Variants in PPP2R5C observed in about 807,000 individuals in gnomAD.
PPP2R5C encodes the protein serine/threonine-protein phosphatase 2A 56 kDa regulatory subunit gamma isoform.
Under a neutral mutation model 68.9 loss-of-function variants are expected in PPP2R5C, and 7 were observed. The ratio of observed to expected loss-of-function variants is 0.10; its 90% confidence interval spans 0.06 to 0.19. PPP2R5C has a LOEUF of 0.19. Among genes scored for constraint, PPP2R5C ranks in the 10% least tolerant of loss-of-function variants. The pLI is 1.00. For synonymous variants in PPP2R5C, 210 were observed against 222.2 expected (o/e 0.95, Z 0.49); for missense variants, 348 against 641.3 (o/e 0.54, Z 4.94).
chr14:101,826,061 T>C (rs984915550), intron 1 of PPP2R5C, among the ~76,000 whole-genome samples: 1 of 152,238 alleles, frequency 6.6e-6, no homozygotes, highest in Non-Finnish European at 1.5e-5. Flanking sequence ...GCCTTTATCA[T>C]ATATATGTTT....
At chr14:101,819,404 G>A (rs192608905) in intron 1 of PPP2R5C, 3 of 273,568 alleles carry the variant, frequency 1.1e-5, no homozygotes, top group Non-Finnish European at 2.1e-5. Context: ...CCCTGGTGGT[G>A]CAAAGGCAAT....
intron 2 of PPP2R5C, among the ~76,000 whole-genome samples, chr14:101,874,167 A>C (rs2043602889): frequency 6.6e-6 from 1 of 152,234 alleles, no homozygotes; most frequent in African/African-American, 2.4e-5. Flanking sequence ...ATGGCTGTGC[A>C]TACATGACTG....
chr14:101,833,370 GGTCAAAT>G (rs2040874103), intron 1 of PPP2R5C: 1 of 152,188 alleles, frequency 6.6e-6, no homozygotes, highest in Admixed American at 6.5e-5. Flanking sequence ...AGCTCTGATT[GGTCAAAT>G]GTTTGAAGAA....
chr14:101,890,715 A>G (rs1029881489), intron 6 of PPP2R5C, among the ~76,000 whole-genome samples: 3 of 150,930 alleles, frequency 2.0e-5, no homozygotes, highest in Non-Finnish European at 4.4e-5. Context: ...AAAATAATTA[A>G]CATTTCAAAA....
intron 1 of PPP2R5C, among the ~76,000 whole-genome samples, chr14:101,840,777 A>G (rs1307156170): frequency 6.6e-6 from 1 of 152,222 alleles, no homozygotes; most frequent in African/African-American, 2.4e-5. Context: ...TTATCAGGGC[A>G]TATGCATAAT....
upstream of PPP2R5C, among the ~76,000 whole-genome samples, chr14:101,806,894 C>T (rs180983058): frequency 7.2e-5 from 11 of 152,176 alleles, no homozygotes; most frequent in East Asian, 5.8e-4. Flanking sequence ...CCCAGGAGGC[C>T]GAGGCTGCAG....
intron 10 of PPP2R5C, among the ~76,000 whole-genome samples, chr14:101,907,823 G>C (rs781543200): frequency 6.6e-6 from 1 of 152,170 alleles, no homozygotes; most frequent in Non-Finnish European, 1.5e-5. Flanking sequence ...CTCCTTGTCC[G>C]CTCGAGGCTG....
intron 13 of PPP2R5C, among the ~76,000 whole-genome samples, chr14:101,924,210 T>C (rs994169794): frequency 6.6e-6 from 1 of 152,146 alleles, no homozygotes; most frequent in Non-Finnish European, 1.5e-5. Context: ...TTTTGATATG[T>C]AAACTCTCCA....
At chr14:101,893,998 C>T (rs2045138821) in intron 7 of PPP2R5C, among the ~76,000 whole-genome samples, 1 of 152,224 alleles carries the variant, frequency 6.6e-6, no homozygotes, top group African/African-American at 2.4e-5. Context: ...TGCCAGGCCC[C>T]ACTTTCAGAG....
intron 3 of PPP2R5C, among the ~76,000 whole-genome samples, chr14:101,789,041 A>G (rs1444517338): frequency 6.6e-6 from 1 of 152,086 alleles, no homozygotes; most frequent in Non-Finnish European, 1.5e-5. Context: ...ATGCAGAGCT[A>G]TTGGTTTTTA....
intron 3 of PPP2R5C, among the ~76,000 whole-genome samples, chr14:101,786,773 T>A (rs1292479823): frequency 6.6e-6 from 1 of 152,202 alleles, no homozygotes; most frequent in East Asian, 1.9e-4. Flanking sequence ...AAGTCTTCCT[T>A]TAGATTTTGA....
At chr14:101,800,423 C>T (rs1469480640) in intron 3 of PPP2R5C, among the ~76,000 whole-genome samples, 2 of 151,914 alleles carry the variant, frequency 1.3e-5, no homozygotes, top group Non-Finnish European at 2.9e-5. Context: ...ATTAGCCAGG[C>T]GTGATGGTGC....
At chr14:101,908,354 T>A (rs1406991909) in intron 10 of PPP2R5C, among the ~76,000 whole-genome samples, 1 of 152,130 alleles carries the variant, frequency 6.6e-6, no homozygotes, top group Non-Finnish European at 1.5e-5. Context: ...AACCTGTTCT[T>A]TGTAGCATTG....
chr14:101,897,669 G>C (rs8005273), intron 8 of PPP2R5C, among the ~76,000 whole-genome samples: 18,477 of 152,018 alleles, frequency 0.12, 1,744 homozygotes, highest in African/African-American at 0.26. Context: ...GGGTGGGTCT[G>C]CCTTTCCTAG....
intron 1 of PPP2R5C, among the ~76,000 whole-genome samples, chr14:101,847,744 C>T (rs1046659543): frequency 2.7e-5 from 4 of 150,590 alleles, no homozygotes; most frequent in Admixed American, 6.6e-5. Context: ...CTCACTGCAA[C>T]CTCCGCCTCC....
chr14:101,802,202 C>G (rs895097678), intron 3 of PPP2R5C, among the ~76,000 whole-genome samples: 2 of 152,156 alleles, frequency 1.3e-5, no homozygotes, highest in Admixed American at 6.5e-5. Context: ...ATCACAAGGT[C>G]AGGAGATCGA....
chr14:101,834,904 C>T (rs367964576), intron 1 of PPP2R5C, among the ~76,000 whole-genome samples: 1 of 152,186 alleles, frequency 6.6e-6, no homozygotes, highest in Admixed American at 6.5e-5. Context: ...GGCCTGTGGC[C>T]ACAGAGCCTC....
At chr14:101,809,403 A>AC (rs1407784750), upstream of PPP2R5C, among the ~76,000 whole-genome samples, 45 of 150,578 alleles carry the variant, frequency 3.0e-4, 1 homozygote, top group Middle Eastern at 3.4e-3. Context: ...AAAAAAAAAA[A>AC]ACAAAAAAAA....
chr14:101,876,991 C>G (rs1160303092), intron 2 of PPP2R5C, among the ~76,000 whole-genome samples: 1 of 141,578 alleles, frequency 7.1e-6, no homozygotes, highest in African/African-American at 2.7e-5. Flanking sequence ...CTCTATTGCC[C>G]AGGCTGGAGT....
Sources: gnomAD v4.1 joint callset for allele counts (sites outside exome capture counted in the v4.1 genomes callset) on GRCh38, gnomAD v4.1.1 for gene constraint, MANE v1.5 for transcripts, NCBI Gene and HGNC (gene_info 2026-07-23, HGNC 2026-07-21) for gene names.